The following WDFY4 variants were observed in gnomAD, a reference collection of about 807,000 sequenced individuals.
WDFY4 encodes WDFY family member 4.
In WDFY4, 169 loss-of-function variants were observed where a neutral mutation model predicts 351.9. The observed-to-expected ratio is 0.48, with a 90% CI of 0.42 to 0.55. The LOEUF is 0.55. Among genes scored for constraint, WDFY4 ranks in the 20% least tolerant of loss-of-function variants. The probability of loss-of-function intolerance (pLI) is 0.00; values close to 1 mark genes in which losing one functional copy is unlikely to be tolerated. For missense variants in WDFY4, 3,803 were observed against 3,935.6 expected, an observed-to-expected ratio of 0.97 and a Z score of 0.90; for synonymous variants, 1,622 against 1,574.6, an observed-to-expected ratio of 1.03 and a Z score of -0.71.
intron 39 of WDFY4, among the ~76,000 whole-genome samples, chr10:48,849,293 T>G (rs1165817410): frequency 6.6e-6 from 1 of 152,206 alleles, no homozygotes; most frequent in Non-Finnish European, 1.5e-5. Context: ...TACTCAACAT[T>G]CCCTCAAACT....
At chr10:48,974,007 G>A (rs557909702) in intron 57 of WDFY4, among the ~76,000 whole-genome samples, 4 of 152,218 alleles carry the variant, frequency 2.6e-5, no homozygotes, top group Middle Eastern at 6.8e-3. Flanking sequence ...TTCCCTTACC[G>A]AGATGGCTCT....
At chr10:48,897,314 T>G in intron 44 of WDFY4, 140 bp from the exon 45 acceptor site, 1 of 1,203,514 alleles carries the variant, frequency 8.3e-7, no homozygotes, top group Non-Finnish European at 1.2e-6. Flanking sequence ...AGCACACTGG[T>G]TGGCAGTGAC....
chr10:48,884,839 T>C (rs1045553455), intron 43 of WDFY4, among the ~76,000 whole-genome samples: 8 of 152,182 alleles, frequency 5.3e-5, no homozygotes, highest in African/African-American at 1.9e-4. Context: ...GACACACTCC[T>C]GTGTGCTCCC....
chr10:48,736,172 G>C (rs1009898343), intron 11 of WDFY4, 102 bp downstream of exon 11: 2 of 1,341,118 alleles, frequency 1.5e-6, no homozygotes, highest in Non-Finnish European at 2.1e-6. Flanking sequence ...GTTAGCCACT[G>C]TATGTGGCAG....
rs776055511 is a variant in WDFY4 at position 48,914,091 on chromosome 10, A to T, written c.7586+12228A>T. 12 of 1,614,080 alleles carry T rather than the reference A, an allele frequency of 7.4e-6. No homozygotes were observed. The highest frequency in any genetic ancestry group is 3.3e-5 in the Admixed American group (2 of 60,008). The stretch of plus-strand genomic sequence containing the variant: ...CTTTTTCCCATCAAAAGTGATTTTG[A>T]TGCAATTCCTGGCCACCTTGAGGGT... On this transcript the variant is annotated intron_variant, in intron 47 of 61. Transcript: ENST00000325239.
intron 47 of WDFY4, chr10:48,914,159 C>G (rs747424409): frequency 6.2e-7 from 1 of 1,610,298 alleles, no homozygotes; most frequent in Admixed American, 1.7e-5. Context: ...TAACCATGTT[C>G]TTTTAGTAAG....
chr10:48,787,986 C>CCTTCTCCTTCTCCTTCTCCTT (rs2066542644), intron 20 of WDFY4, among the ~76,000 whole-genome samples: 7 of 65,492 alleles, frequency 1.1e-4, no homozygotes, highest in Admixed American at 1.5e-4. Flanking sequence ...TTCTTCTTCT[C>CCTTCTCCTTCTCCTTCTCCTT]CTTCTCCTTC....
At chr10:48,846,089 T>C (rs145723405) in intron 39 of WDFY4, among the ~76,000 whole-genome samples, 1,629 of 152,330 alleles carry the variant, frequency 0.011, 28 homozygotes, top group African/African-American at 0.037. Flanking sequence ...ATGTCATGCC[T>C]CTGATCAAAA....
intron 13 of WDFY4, among the ~76,000 whole-genome samples, chr10:48,765,104 G>A (rs2065626848): frequency 6.6e-6 from 1 of 152,244 alleles, no homozygotes; most frequent in South Asian, 2.1e-4. Flanking sequence ...TAGAACACAT[G>A]AATAGAACAT....
intron 24 of WDFY4, among the ~76,000 whole-genome samples, chr10:48,800,401 G>A (rs1425079235): frequency 6.6e-6 from 1 of 152,152 alleles, no homozygotes; most frequent in Admixed American, 6.5e-5. Context: ...GTGAGGAAGG[G>A]AGAGACAGGA....
At chr10:48,911,769 T>C (rs1254651372) in intron 47 of WDFY4, among the ~76,000 whole-genome samples, 1 of 152,240 alleles carries the variant, frequency 6.6e-6, no homozygotes, top group Non-Finnish European at 1.5e-5. Flanking sequence ...TTTAGTAGTA[T>C]GTTGTGGTTC....
chr10:48,846,360 C>T (rs2940714), intron 39 of WDFY4, among the ~76,000 whole-genome samples: 9,681 of 152,260 alleles, frequency 0.064, 693 homozygotes, highest in African/African-American at 0.18. Flanking sequence ...CCACCAAGCC[C>T]TCTCCAGCCT....
intron 13 of WDFY4, among the ~76,000 whole-genome samples, chr10:48,761,612 C>T (rs1341005317): frequency 1.3e-5 from 2 of 152,216 alleles, no homozygotes; most frequent in Admixed American, 1.3e-4. Context: ...GCAGAACTAA[C>T]AGCCTCATTG....
chr10:48,691,108 A>G (rs1402817046), intron 1 of WDFY4, among the ~76,000 whole-genome samples: 1 of 152,138 alleles, frequency 6.6e-6, no homozygotes, highest in Non-Finnish European at 1.5e-5. Context: ...GGGGCTCCTG[A>G]TCCTCACTGG....
At chr10:48,912,367 G>A (rs965940359) in intron 47 of WDFY4, among the ~76,000 whole-genome samples, 2 of 152,244 alleles carry the variant, frequency 1.3e-5, no homozygotes, top group African/African-American at 4.8e-5. Flanking sequence ...CACTTCACGA[G>A]TGAGGGAACC....
chr10:48,932,550 C>T (rs1442798890), intron 47 of WDFY4: 2 of 151,942 alleles, frequency 1.3e-5, no homozygotes, highest in Non-Finnish European at 2.9e-5. Flanking sequence ...ACAGTTCCTA[C>T]TGGAGTTGTA....
intron 57 of WDFY4, 130 bp from the exon 58 acceptor site, chr10:48,974,732 T>G: frequency 2.1e-6 from 2 of 963,244 alleles, no homozygotes; most frequent in Non-Finnish European, 3.0e-6. Flanking sequence ...GACAACAGAC[T>G]TGGGAATCAC....
chr10:48,771,941 T>G (rs1264042948), intron 13 of WDFY4, among the ~76,000 whole-genome samples: 1 of 152,198 alleles, frequency 6.6e-6, no homozygotes, highest in Non-Finnish European at 1.5e-5. Context: ...ACCCTAGTCC[T>G]CCTTAGAAAG....
chr10:48,691,251 C>A (rs896990658), intron 1 of WDFY4, among the ~76,000 whole-genome samples: 126 of 152,208 alleles, frequency 8.3e-4, no homozygotes, highest in African/African-American at 3.0e-3. Context: ...TCGGTGGTCA[C>A]CCTGACTTAG....
Sources: allele counts gnomAD v4.1 joint callset (sites outside exome capture counted in the v4.1 genomes callset), GRCh38; gene constraint gnomAD v4.1.1; transcripts MANE v1.5; gene names NCBI Gene and HGNC (gene_info 2026-07-23, HGNC 2026-07-21).